The following ITPR2 variants were observed in gnomAD, a reference collection of about 807,000 sequenced individuals.
ITPR2 encodes the protein inositol 1,4,5-trisphosphate receptor type 2.
In ITPR2, 207 loss-of-function variants were observed where a neutral mutation model predicts 317.1. That is an observed-to-expected ratio of 0.65 (90% CI 0.58 to 0.73). The LOEUF is 0.73. ITPR2 is among the 30% of genes least tolerant of loss of function. The pLI is 0.00. For synonymous variants in ITPR2, 1,156 were observed against 1,149.1 expected (o/e 1.01, Z -0.12); for missense variants, 2,613 against 3,284.0 (o/e 0.80, Z 4.99).
At chr12:26,711,034 C>T (rs891196382) in intron 9 of ITPR2, 139 bp downstream of exon 9, 2 of 581,486 alleles carry the variant, frequency 3.4e-6, no homozygotes, top group Non-Finnish European at 6.2e-6. Flanking sequence ...AATTTATATG[C>T]CAATCCAGAA....
At chr12:26,546,302 T>C (rs749433208) in intron 37 of ITPR2, among the ~76,000 whole-genome samples, 17 of 152,208 alleles carry the variant, frequency 1.1e-4, no homozygotes, top group Non-Finnish European at 2.4e-4. Flanking sequence ...CCTTCTGTCA[T>C]ACTGTATGTT....
intron 45 of ITPR2, among the ~76,000 whole-genome samples, chr12:26,451,524 G>A (rs1941742312): frequency 6.6e-6 from 1 of 152,054 alleles, no homozygotes; most frequent in South Asian, 2.1e-4. Flanking sequence ...TAAAAATATT[G>A]TAAGTTATAT....
chr12:26,595,692 A>G, intron 31 of ITPR2, 102 bp from the exon 32 acceptor site: 1 of 912,576 alleles, frequency 1.1e-6, no homozygotes, highest in Non-Finnish European at 1.6e-6. Context: ...TTTTTATGGT[A>G]GATCATAGCA....
At chr12:26,360,044 G>T (rs1003160558) in intron 55 of ITPR2, among the ~76,000 whole-genome samples, 1 of 152,248 alleles carries the variant, frequency 6.6e-6, no homozygotes, top group South Asian at 2.1e-4. Context: ...ACAAAGAGAA[G>T]AAGGAGGCCA....
chr12:26,561,598 G>A (rs1023874903), intron 35 of ITPR2, among the ~76,000 whole-genome samples, 164 bp downstream of exon 35: 6 of 152,092 alleles, frequency 3.9e-5, no homozygotes, highest in African/African-American at 1.4e-4. Flanking sequence ...CACGACATAT[G>A]GAAGCTATAT....
intron 54 of ITPR2, among the ~76,000 whole-genome samples, chr12:26,396,033 A>C (rs891924654): frequency 6.6e-6 from 1 of 152,196 alleles, no homozygotes; most frequent in African/African-American, 2.4e-5. Context: ...TTTTTTTATG[A>C]TAAGGCTGAA....
intron 55 of ITPR2, among the ~76,000 whole-genome samples, chr12:26,373,313 C>T (rs992584576): frequency 6.6e-6 from 1 of 152,222 alleles, no homozygotes; most frequent in Non-Finnish European, 1.5e-5. Context: ...GAATCCACAT[C>T]TGTGGCAATC....
intron 34 of ITPR2, among the ~76,000 whole-genome samples, chr12:26,571,597 CAG>C (rs1282674476): frequency 6.6e-6 from 1 of 152,196 alleles, no homozygotes; most frequent in East Asian, 1.9e-4. Flanking sequence ...GATAGCAGAG[CAG>C]AGATTTGTGA....
chr12:26,746,382 G>A lies in ITPR2; in HGVS notation c.164-20617C>T, dbSNP rs755746188. Among the ~76,000 whole-genome samples the A allele has an allele frequency of 7.2e-5, 11 of 152,236 alleles. No homozygotes were observed. In the East Asian group the frequency reaches 1.7e-3, roughly 24 times the overall value. On this transcript the variant is annotated intron_variant, in intron 2 of 56. Coordinates refer to ENST00000381340, the MANE Select transcript of ITPR2 (RefSeq NM_002223.4). Reference sequence around the variant, plus strand: ...AGAAGACAGAGCTAGTGTTTGCTGCGGTACTCAGGAAGCCCTGGACGTGAG... The same window carrying A: ...AGAAGACAGAGCTAGTGTTTGCTGCAGTACTCAGGAAGCCCTGGACGTGAG...
At chr12:26,743,623 T>G (rs1949271734) in intron 2 of ITPR2, among the ~76,000 whole-genome samples, 1 of 152,188 alleles carries the variant, frequency 6.6e-6, no homozygotes, top group South Asian at 2.1e-4. Context: ...CCAGGTGCAG[T>G]GGCTCATGCC....
At chr12:26,685,460 G>A (rs1948107995) in intron 11 of ITPR2, among the ~76,000 whole-genome samples, 1 of 152,092 alleles carries the variant, frequency 6.6e-6, no homozygotes, top group African/African-American at 2.4e-5. Context: ...AGCAGAGCAT[G>A]GTGGTGCATG....
In ITPR2 at chr12:26,495,192, TCCA is replaced by T. The variant is rs753455742; in HGVS notation, c.5139_5141del (p.Asn1713_Gly1714delinsLys). The T allele has an allele frequency of 8.7e-6, 14 of 1,609,698 alleles. No homozygotes were observed. The highest frequency in any genetic ancestry group is 1.0e-5 in the Non-Finnish European group (12 of 1,175,952). ...TTTTGGAGTAGGCTCCTGATAGGTG[TCCA>T]TTCACACCAATACTATAATCACCTT... On this transcript the variant is annotated inframe_deletion, in exon 38 of 57. Coordinates refer to ENST00000381340, the MANE Select transcript of ITPR2 (RefSeq NM_002223.4).
At chr12:26,480,569 C>T (rs1201915209) in intron 43 of ITPR2, among the ~76,000 whole-genome samples, 1 of 152,078 alleles carries the variant, frequency 6.6e-6, no homozygotes, top group Non-Finnish European at 1.5e-5. Flanking sequence ...AAGCCGGGCA[C>T]GATGGCTCAC....
intron 37 of ITPR2, among the ~76,000 whole-genome samples, chr12:26,534,735 A>T (rs1412154241): frequency 2.0e-5 from 3 of 152,224 alleles, no homozygotes; most frequent in Admixed American, 2.0e-4. Context: ...ACACTTAAGG[A>T]ATTGTCCCTA....
At chr12:26,685,074 A>G (rs1482097729) in intron 11 of ITPR2, among the ~76,000 whole-genome samples, 1 of 152,096 alleles carries the variant, frequency 6.6e-6, no homozygotes, top group Non-Finnish European at 1.5e-5. Flanking sequence ...GTAACTTTTT[A>G]CCCTCCCTGG....
chr12:26,406,285 C>T (rs895371235), intron 52 of ITPR2, among the ~76,000 whole-genome samples: 1 of 151,618 alleles, frequency 6.6e-6, no homozygotes. Flanking sequence ...GAACTTTGTC[C>T]TTTTTTCTGT....
At position 26,654,074 on chromosome 12, in the gene ITPR2, T is replaced by C; in HGVS notation, c.2642A>G (p.Glu881Gly). 3 of 1,396,430 alleles carry C rather than the reference T, an allele frequency of 2.1e-6. No individual in the cohort carries two copies. The highest frequency in any genetic ancestry group is 2.9e-6 in the Non-Finnish European group (3 of 1,052,348). The allele number at this position is 1,396,430 out of a possible 1,614,324, so 86.5% of individuals were successfully genotyped here. The change falls in exon 21 of 57, where the codon GAG (glutamate) becomes GGG (glycine). Residue 881 changes from glutamate to glycine, a missense_variant. Coordinates refer to ENST00000381340, the MANE Select transcript of ITPR2 (RefSeq NM_002223.4). The stretch of plus-strand genomic sequence containing the variant: ...AAGTGTTCTTGTTAGCCTTAATAAC[T>C]CACTGAAACTATAAAATCCAAAGTA... The part of the protein sequence containing the change: ...LIYFGFYSFS[E>G]LLRLTRTLLA...
chr12:26,591,079 CAA>C (rs34387951), intron 32 of ITPR2, among the ~76,000 whole-genome samples: 263 of 43,354 alleles, frequency 6.1e-3, no homozygotes, highest in African/African-American at 0.021. Flanking sequence ...GACTCCATCT[CAA>C]AAAAAAAAAA....
chr12:26,607,250 C>G (rs1946152790), intron 26 of ITPR2, among the ~76,000 whole-genome samples: 1 of 152,136 alleles, frequency 6.6e-6, no homozygotes, highest in Non-Finnish European at 1.5e-5. Flanking sequence ...CAGCCACCCA[C>G]CCCCTAACTT....
Sources: allele counts gnomAD v4.1 joint callset (sites outside exome capture counted in the v4.1 genomes callset), GRCh38; gene constraint gnomAD v4.1.1; transcripts MANE v1.5; gene names NCBI Gene and HGNC (gene_info 2026-07-23, HGNC 2026-07-21).